PNLIPRP3: variants seen among roughly 807,000 people sequenced by gnomAD.
PNLIPRP3 encodes the protein pancreatic lipase-related protein 3.
In PNLIPRP3, 58 loss-of-function variants were observed where a neutral mutation model predicts 52.8. The ratio of observed to expected loss-of-function variants is 1.10; its 90% confidence interval spans 0.89 to 1.37. PNLIPRP3 has a LOEUF of 1.37. PNLIPRP3 is among the 40% of genes most tolerant of loss of function. PNLIPRP3 has a pLI of 0.00. For missense variants in PNLIPRP3, 593 were observed against 561.6 expected, an observed-to-expected ratio of 1.06 and a Z score of -0.57; for synonymous variants, 192 against 185.0, an observed-to-expected ratio of 1.04 and a Z score of -0.31.
intron 2 of PNLIPRP3, chr10:116,439,912 C>T (rs921544861): frequency 2.2e-5 from 19 of 858,714 alleles, no homozygotes; most frequent in Middle Eastern, 2.2e-4. Context: ...CCTCTCAGAG[C>T]GCTTCTTGGA....
intron 5 of PNLIPRP3, among the ~76,000 whole-genome samples, chr10:116,458,227 CT>C (rs1846143185): frequency 6.6e-6 from 1 of 152,108 alleles, no homozygotes; most frequent in African/African-American, 2.4e-5. Context: ...AAAAATTACT[CT>C]CATTTTGCTG....
In PNLIPRP3 at chr10:116,446,129, AAGGT is replaced by A. The variant is rs1165069327; in HGVS notation, c.456+1617_456+1620del. On this transcript the variant is annotated intron_variant, in intron 4 of 11. Coordinates refer to ENST00000369230, the MANE Select transcript of PNLIPRP3 (RefSeq NM_001011709.3). ...TGGGAGGCCAAGGCGGGTAGATCAC[AAGGT>A]CAGGAGATCGAGACCATCCTGGCGA... Among the ~76,000 whole-genome samples, 3 of 152,008 alleles carry A rather than the reference AAGGT, an allele frequency of 2.0e-5. No homozygotes were observed. In the East Asian group the frequency reaches 5.8e-4, roughly 29 times the overall value.
At chr10:116,463,762 C>G (rs1350120127) in intron 7 of PNLIPRP3, among the ~76,000 whole-genome samples, 1 of 152,132 alleles carries the variant, frequency 6.6e-6, no homozygotes, top group Non-Finnish European at 1.5e-5. Context: ...TCTAGTTTCT[C>G]AAAGATTGGC....
intron 5 of PNLIPRP3, among the ~76,000 whole-genome samples, chr10:116,458,571 A>C (rs574012735): frequency 1.4e-4 from 21 of 152,008 alleles, no homozygotes; most frequent in Non-Finnish European, 2.9e-4. Flanking sequence ...GTGTAATCAC[A>C]CTAGTAAAAT....
intron 1 of PNLIPRP3, among the ~76,000 whole-genome samples, chr10:116,435,268 AAAC>A (rs1210626992): frequency 6.6e-6 from 1 of 152,190 alleles, no homozygotes; most frequent in African/African-American, 2.4e-5. Context: ...GATAGTATGA[AAAC>A]AACATTATGA....
At chr10:116,443,745 ATG>A (rs369976900) in intron 3 of PNLIPRP3, among the ~76,000 whole-genome samples, 7,431 of 34,630 alleles carry the variant, frequency 0.21, 619 homozygotes, top group Admixed American at 0.35. Flanking sequence ...CTAATTACTA[ATG>A]TGTGTGTGTG....
chr10:116,460,818 C>A, intron 5 of PNLIPRP3, 148 bp from the exon 6 acceptor site: 1 of 1,080,886 alleles, frequency 9.3e-7, no homozygotes, highest in Non-Finnish European at 1.3e-6. Flanking sequence ...AGAGACCCTA[C>A]ATTTATAGAT....
At position 116,440,172 on chromosome 10, in the gene PNLIPRP3, C is replaced by T. The variant is rs1589976783; in HGVS notation, c.205-2883C>T. 31 of 574,926 alleles carry T rather than the reference C, an allele frequency of 5.4e-5. No homozygotes were observed. The East Asian group carries it at 8.6e-4, about 16-fold the overall frequency. The allele number at this position is 574,926 out of a possible 1,614,324, so 35.6% of individuals were successfully genotyped here. A position where few individuals can be genotyped will look rare whatever the true frequency, so the allele number is the denominator to read the frequency against. ...TCAGGGCATATTTATCCACTTAGGACTAACTCTATTCCCTGATCTTCACTC... is the reference window on the plus strand; with the variant it reads ...TCAGGGCATATTTATCCACTTAGGATTAACTCTATTCCCTGATCTTCACTC... On this transcript the variant is annotated intron_variant, in intron 2 of 11. Coordinates refer to ENST00000369230, the MANE Select transcript of PNLIPRP3 (RefSeq NM_001011709.3).
At chr10:116,459,219 C>T (rs1236628834) in intron 5 of PNLIPRP3, among the ~76,000 whole-genome samples, 1 of 151,552 alleles carries the variant, frequency 6.6e-6, no homozygotes, top group East Asian at 1.9e-4. Flanking sequence ...ATTCTAGGCC[C>T]ACTCTTCTCT....
At position 116,443,091 on chromosome 10, in the gene PNLIPRP3, T is replaced by G; in HGVS notation, c.241T>G (p.Ser81Ala). 1 of 1,608,286 alleles carries G rather than the reference T, an allele frequency of 6.2e-7. No homozygotes were observed. Among genetic ancestry groups the G allele is most frequent in the Non-Finnish European group, 8.5e-7 (1 of 1,175,750 alleles). The change falls in exon 3 of 12, where the codon TCA becomes GCA. Residue 81 changes from serine to alanine, a missense_variant. Coordinates refer to ENST00000369230, the MANE Select transcript of PNLIPRP3 (RefSeq NM_001011709.3). ...SAVNSSTIQASYFGTDKITRI... is the reference protein window; with the variant it reads ...SAVNSSTIQAAYFGTDKITRI... ...GGTTAATTCTTCAACTATCCAAGCC[T>G]CATATTTTGGAACAGACAAGATCAC... is the stretch of plus-strand genomic sequence containing the variant.
In PNLIPRP3 at chr10:116,455,828, CTG is replaced by C; in HGVS notation, c.564_565del (p.Gly189ValfsTer26). On this transcript the variant is annotated frameshift_variant and splice_region_variant, in exon 5 of 12. Transcript: ENST00000369230. LOFTEE classifies it high-confidence loss of function. ...AGGATACCAGGCCTTGGAAGAATAA[CTG>C]GTAAGCATGCCCTGCAGTTGGGCCT... 3 of 1,610,870 alleles carry C rather than the reference CTG, an allele frequency of 1.9e-6. No individual in the cohort carries two copies. The highest frequency in any genetic ancestry group is 2.5e-6 in the Non-Finnish European group (3 of 1,177,100).
intron 1 of PNLIPRP3, among the ~76,000 whole-genome samples, chr10:116,433,446 G>A (rs1235582975): frequency 2.0e-5 from 3 of 152,094 alleles, no homozygotes; most frequent in African/African-American, 7.2e-5. Context: ...TGCACAAAAG[G>A]ATATTCAAAG....
chr10:116,476,787 G>A lies in PNLIPRP3; in HGVS notation c.1308G>A (p.Met436Ile). 1 of 1,607,280 alleles carries A rather than the reference G, an allele frequency of 6.2e-7. No individual in the cohort carries two copies. The highest frequency in any genetic ancestry group is 8.5e-7 in the Non-Finnish European group (1 of 1,177,602). ...CTCAGAATAAGTTGGGAGCAGAAAT[G>A]GTGATAAATACATCTGGGAAATATG... ...EDSQNKLGAE[M>I]VINTSGKYGY... Residue 436 changes from methionine to isoleucine, a missense_variant, in exon 11 of 12, where the codon ATG (methionine) becomes ATA (isoleucine). Physicochemically the swap from Met to Ile is conservative, Grantham distance 10. Coordinates refer to ENST00000369230, the MANE Select transcript of PNLIPRP3 (RefSeq NM_001011709.3).
intron 4 of PNLIPRP3, among the ~76,000 whole-genome samples, chr10:116,452,042 A>G (rs79194857): frequency 0.024 from 3,710 of 152,292 alleles, 155 homozygotes; most frequent in African/African-American, 0.085. Flanking sequence ...ATGGACAGTG[A>G]AATCCAGGCT....
Position 116,471,840 on chromosome 10 carries a change from GC to G in PNLIPRP3, c.1134del (p.Ala380GlnfsTer19). ...CAAGGAACTGTCTTTCTTCGTGTAG[GC>G]GGGGCAGTTAGGAAAACTGGGGAGT... ...VTQGTVFLRV[G>X]GAVRKTGEFA... is the part of the protein sequence containing the mutation. On this transcript the variant is annotated frameshift_variant, in exon 10 of 12. Transcript: ENST00000369230. LOFTEE classifies it high-confidence loss of function. The G allele has an allele frequency of 6.2e-7, 1 of 1,608,712 alleles. No homozygotes were observed. Among genetic ancestry groups the G allele is most frequent in the Non-Finnish European group, 8.5e-7 (1 of 1,175,818 alleles).
chr10:116,462,308 T>C (rs919428252), intron 7 of PNLIPRP3, among the ~76,000 whole-genome samples: 1 of 149,216 alleles, frequency 6.7e-6, no homozygotes, highest in East Asian at 1.9e-4. Context: ...TTACCCATAA[T>C]ATATAATAAT....
chr10:116,451,570 T>G (rs1180886183), intron 4 of PNLIPRP3, among the ~76,000 whole-genome samples: 1 of 152,184 alleles, frequency 6.6e-6, no homozygotes, highest in Non-Finnish European at 1.5e-5. Flanking sequence ...CTCTTGATGA[T>G]GAGTGAGTTC....
chr10:116,443,802 CATATATATAT>C (rs1200044232), intron 3 of PNLIPRP3, among the ~76,000 whole-genome samples: 35 of 13,100 alleles, frequency 2.7e-3, no homozygotes, highest in African/African-American at 3.9e-3. Context: ...TGTGTGTGTG[CATATATATAT>C]ATATATATAT....
At chr10:116,447,890 T>C (rs1454863141) in intron 4 of PNLIPRP3, among the ~76,000 whole-genome samples, 14 of 148,276 alleles carry the variant, frequency 9.4e-5, no homozygotes, top group African/African-American at 3.5e-4. Context: ...TGAGCTGAGA[T>C]GGTGCCACTG....
Sources: gnomAD v4.1 joint callset for allele counts (sites outside exome capture counted in the v4.1 genomes callset) on GRCh38, gnomAD v4.1.1 for gene constraint, MANE v1.5 for transcripts, NCBI Gene and HGNC (gene_info 2026-07-23, HGNC 2026-07-21) for gene names.